FAM76B: variants seen among roughly 807,000 people sequenced by gnomAD.
The protein encoded by FAM76B is family with sequence similarity 76 member B, also known as protein FAM76B.
A neutral mutation model predicts 51.8 loss-of-function variants in FAM76B; 16 were observed. That is an observed-to-expected ratio of 0.31 (90% CI 0.21 to 0.47). The LOEUF is 0.47. Ranked by LOEUF, FAM76B falls within the 20% of genes least tolerant of loss-of-function variation. FAM76B has a pLI of 1.00. For missense variants in FAM76B, 342 were observed against 392.6 expected (o/e 0.87, Z 1.09); for synonymous variants, 166 against 129.5 (o/e 1.28, Z -1.91).
rs1233857734 is a variant in FAM76B, at chr11:95,779,258, G to A, written c.693-301C>T. ...GGCTAATGAACTAAAACAAAGTAACGCTCATAATATTTTTAATCTAAAAAC... is the reference window on the plus strand; with the variant it reads ...GGCTAATGAACTAAAACAAAGTAACACTCATAATATTTTTAATCTAAAAAC... On this transcript the variant is annotated intron_variant, in intron 7 of 9. Transcript: ENST00000358780. The A allele has an allele frequency of 8.0e-6, 6 of 751,808 alleles. No homozygotes were observed. The Admixed American group carries it at 1.1e-4, about 13-fold the overall frequency. The allele number at this position is 751,808 out of a possible 1,614,324, so 46.6% of individuals were successfully genotyped here.
chr11:95,781,315 C>T (rs900027876), intron 5 of FAM76B, among the ~76,000 whole-genome samples: 2 of 152,080 alleles, frequency 1.3e-5, no homozygotes, highest in Admixed American at 6.5e-5. Context: ...AATATGAATG[C>T]TCCTCATTTT....
At chr11:95,776,045 A>G (rs1303235247) in intron 8 of FAM76B, 22 bp from the exon 9 acceptor site, 5 of 1,435,796 alleles carry the variant, frequency 3.5e-6, no homozygotes, top group Admixed American at 2.0e-5. Flanking sequence ...AAGAAAAAAT[A>G]TATGTATATA....
At chr11:95,787,915 C>T (rs973848788) in intron 2 of FAM76B, among the ~76,000 whole-genome samples, 4 of 152,124 alleles carry the variant, frequency 2.6e-5, no homozygotes. Context: ...CTTAATGTTT[C>T]CTATATAGCT....
At chr11:95,771,931 C>G (rs1859785090) in intron 9 of FAM76B, among the ~76,000 whole-genome samples, 1 of 150,870 alleles carries the variant, frequency 6.6e-6, no homozygotes, top group African/African-American at 2.4e-5. Flanking sequence ...CAAAGTGAAT[C>G]CACTTAAAAG....
chr11:95,770,448 T>C lies in FAM76B; in HGVS notation c.*1113A>G, dbSNP rs772652869. 6.6e-6 allele frequency: 1 copy of C among 151,702 alleles called. No homozygotes were observed. The highest frequency in any genetic ancestry group is 2.4e-5 in the African/African-American group (1 of 41,354). 9.4% of individuals were successfully genotyped at this position (151,702 alleles called of 1,614,324 possible). A position where few individuals can be genotyped will look rare whatever the true frequency, so the allele number is the denominator to read the frequency against. Reference sequence around the variant, plus strand: ...AAATATTAACTTAGATAACCACACATAGGGAAAGCAGATACATGGATCATT... The same window carrying C: ...AAATATTAACTTAGATAACCACACACAGGGAAAGCAGATACATGGATCATT... On this transcript the variant is annotated 3_prime_UTR_variant, in exon 10 of 10. Coordinates refer to ENST00000358780, the MANE Select transcript of FAM76B (RefSeq NM_144664.5).
chr11:95,784,778 G>A (rs1364664872), intron 4 of FAM76B, among the ~76,000 whole-genome samples: 4 of 151,840 alleles, frequency 2.6e-5, no homozygotes, highest in African/African-American at 9.7e-5. Context: ...TAGTAGAAAC[G>A]GGGTTTCACC....
At chr11:95,786,523 T>A in intron 3 of FAM76B, 1 of 352,032 alleles carries the variant, frequency 2.8e-6, no homozygotes, top group Non-Finnish European at 5.1e-6. Context: ...ATTTGCATAG[T>A]CTGTTAGATA....
chr11:95,776,945 T>C (rs1201403453), intron 8 of FAM76B, among the ~76,000 whole-genome samples: 1 of 151,014 alleles, frequency 6.6e-6, no homozygotes. Context: ...AAAAAAACCC[T>C]TGCTTTTGTC....
rs1423810268 is a variant in FAM76B, at chr11:95,783,172, T to C, written c.456A>G (p.Ser152=). The change falls in exon 5 of 10, where the codon TCA becomes TCG. Residue 152 remains serine, a synonymous_variant. Transcript: ENST00000358780. ...TKEQRKSLGS[S]HSNSSSSSLT... is the part of the protein sequence containing the mutation. Reference sequence around the variant, plus strand: ...GAGATGAAGAAGATGAATTTGAATGTGAAGATCCCAGGCTCTTCCTTTGTT... The same window carrying C: ...GAGATGAAGAAGATGAATTTGAATGCGAAGATCCCAGGCTCTTCCTTTGTT... The C allele has an allele frequency of 1.2e-6, 2 of 1,613,882 alleles. No homozygotes were observed. The highest frequency in any genetic ancestry group is 1.1e-5 in the South Asian group (1 of 91,058).
At chr11:95,776,712 C>T (rs1329858392) in intron 8 of FAM76B, among the ~76,000 whole-genome samples, 5 of 151,260 alleles carry the variant, frequency 3.3e-5, no homozygotes. Flanking sequence ...AAATGACATA[C>T]CTAACAGTAT....
intron 7 of FAM76B, 143 bp downstream of exon 7, chr11:95,779,464 C>G: frequency 1.4e-6 from 1 of 735,650 alleles, no homozygotes; most frequent in Non-Finnish European, 2.1e-6. Flanking sequence ...AAATTTTAAA[C>G]TAATTTATGT....
rs1284077857 is a variant in FAM76B, at chr11:95,776,270, T to G, written c.829-247A>C. The stretch of plus-strand genomic sequence containing the variant: ...AAACTTCTCAGTTTTCTTTTTTTCC[T>G]AAACATGGCTCGACTGGAAATAGAG... On this transcript the variant is annotated intron_variant, in intron 8 of 9. Coordinates refer to ENST00000358780, the MANE Select transcript of FAM76B (RefSeq NM_144664.5). Among the ~76,000 whole-genome samples, 6 of 151,538 alleles carry G rather than the reference T, an allele frequency of 4.0e-5. No individual in the cohort carries two copies. In the East Asian group the frequency reaches 9.7e-4, roughly 24 times the overall value.
At chr11:95,779,486 G>C in intron 7 of FAM76B, 121 bp downstream of exon 7, 2 of 874,874 alleles carry the variant, frequency 2.3e-6, no homozygotes, top group South Asian at 4.0e-5. Context: ...TATTCTTCTA[G>C]GTGACTCAAG....
At chr11:95,781,838 T>C (rs1289172241) in intron 5 of FAM76B, among the ~76,000 whole-genome samples, 1 of 152,156 alleles carries the variant, frequency 6.6e-6, no homozygotes, top group Non-Finnish European at 1.5e-5. Flanking sequence ...TACAACATGG[T>C]AGAATTAAAC....
chr11:95,788,461 CTTGTCT>C (rs769472473), intron 2 of FAM76B, 32 bp downstream of exon 2: 11 of 1,452,388 alleles, frequency 7.6e-6, no homozygotes, highest in African/African-American at 2.8e-5. Flanking sequence ...AAAGACAACA[CTTGTCT>C]TTAACAGTCA....
intron 4 of FAM76B, among the ~76,000 whole-genome samples, chr11:95,784,800 G>A (rs563848185): frequency 6.6e-6 from 1 of 151,922 alleles, no homozygotes; most frequent in Non-Finnish European, 1.5e-5. Flanking sequence ...TGTTAGCCAG[G>A]ATGGTCTCGA....
At chr11:95,787,346 G>T (rs754510216) in intron 3 of FAM76B, among the ~76,000 whole-genome samples, 7 of 151,912 alleles carry the variant, frequency 4.6e-5, no homozygotes, top group Non-Finnish European at 1.0e-4. Context: ...CCATTCTCCT[G>T]CCTCAGCCTC....
intron 9 of FAM76B, among the ~76,000 whole-genome samples, chr11:95,774,288 A>T (rs377365660): frequency 1.3e-5 from 2 of 151,378 alleles, no homozygotes; most frequent in East Asian, 3.9e-4. Flanking sequence ...TTTTTGCAAC[A>T]AGTAAGACAG....
chr11:95,780,466 A>G (rs1199227725), intron 5 of FAM76B, among the ~76,000 whole-genome samples: 1 of 152,024 alleles, frequency 6.6e-6, no homozygotes, highest in East Asian at 1.9e-4. Flanking sequence ...ATTCTGGAGA[A>G]GTTACGCTGA....
Sources: allele counts gnomAD v4.1 joint callset (sites outside exome capture counted in the v4.1 genomes callset), GRCh38; gene constraint gnomAD v4.1.1; transcripts MANE v1.5; gene names NCBI Gene and HGNC (gene_info 2026-07-23, HGNC 2026-07-21).